The following PTCHD4 variants were observed in gnomAD, a reference collection of about 807,000 sequenced individuals.
PTCHD4 encodes the protein patched domain-containing protein 4.
In PTCHD4, 33 loss-of-function variants were observed where a neutral mutation model predicts 58.1. That is an observed-to-expected ratio of 0.57 (90% confidence interval 0.43 to 0.76). The LOEUF (loss-of-function observed/expected upper bound fraction) is 0.76. Ranked by LOEUF, PTCHD4 falls within the 30% of genes least tolerant of loss-of-function variation. PTCHD4 has a pLI of 0.00. For synonymous variants in PTCHD4, 478 were observed against 409.6 expected, an observed-to-expected ratio of 1.17 and a Z score of -2.02; for missense variants, 1,058 against 1,027.1, an observed-to-expected ratio of 1.03 and a Z score of -0.41.
chr6:48,074,286 C>T (rs1279136548), intron 1 of PTCHD4, among the ~76,000 whole-genome samples: 1 of 152,140 alleles, frequency 6.6e-6, no homozygotes, highest in African/African-American at 2.4e-5. Flanking sequence ...TCCACAAGAA[C>T]AGTAGTTATA....
chr6:48,061,274 AATC>A (rs1160090673), intron 3 of PTCHD4, among the ~76,000 whole-genome samples: 1 of 152,198 alleles, frequency 6.6e-6, no homozygotes, highest in Non-Finnish European at 1.5e-5. Context: ...GAACGACTGT[AATC>A]AGCTTAAAGC....
intron 4 of PTCHD4, among the ~76,000 whole-genome samples, chr6:47,965,933 C>G (rs1767274303): frequency 1.3e-5 from 2 of 151,936 alleles, no homozygotes; most frequent in Non-Finnish European, 2.9e-5. Flanking sequence ...CAAAAACAAA[C>G]AAACAAACAA....
In PTCHD4 at chr6:47,874,980, A is replaced by G. The variant is rs1763810252; in HGVS notation, c.*3323T>C. ...GTGAGTACCTCTTTGAAGTTTATTAACATCAAAGAGAGTGGAGCTCACATG... is the reference window on the plus strand; with the variant it reads ...GTGAGTACCTCTTTGAAGTTTATTAGCATCAAAGAGAGTGGAGCTCACATG... On this transcript the variant is annotated 3_prime_UTR_variant, in exon 5 of 5. Coordinates refer to ENST00000339488, the MANE Select transcript of PTCHD4 (RefSeq NM_001384253.1). Among the ~76,000 whole-genome samples the G allele has an allele frequency of 6.6e-6, 1 of 151,860 alleles. No homozygotes were observed. Among genetic ancestry groups the G allele is most frequent in the African/African-American group, 2.4e-5 (1 of 41,406 alleles).
intron 4 of PTCHD4, among the ~76,000 whole-genome samples, chr6:47,926,018 G>C (rs748172750): frequency 5.3e-5 from 8 of 152,006 alleles, no homozygotes; most frequent in Non-Finnish European, 1.0e-4. Context: ...TCTTTCTGTC[G>C]AGCCCAATAA....
intron 4 of PTCHD4, among the ~76,000 whole-genome samples, chr6:47,916,365 C>T (rs1320681768): frequency 6.6e-6 from 1 of 152,074 alleles, no homozygotes; most frequent in Non-Finnish European, 1.5e-5. Flanking sequence ...TGCTGACCCT[C>T]TTTGAGGGAA....
intron 4 of PTCHD4, among the ~76,000 whole-genome samples, chr6:47,922,926 A>G (rs2113889427): frequency 6.6e-6 from 1 of 152,196 alleles, no homozygotes. Flanking sequence ...TATTGCTGAC[A>G]CTGTTTTTGG....
At chr6:48,091,928 G>A (rs568401507) in intron 1 of PTCHD4, among the ~76,000 whole-genome samples, 167 of 152,064 alleles carry the variant, frequency 1.1e-3, no homozygotes, top group Non-Finnish European at 2.0e-3. Context: ...AGCATTACAG[G>A]CATGAGCCAC....
At position 47,879,921 on chromosome 6, in the gene PTCHD4, C is replaced by T; in HGVS notation, c.914G>A (p.Gly305Glu). 6.5e-7 allele frequency: 1 copy of T among 1,544,950 alleles called. No individual in the cohort carries two copies. The highest frequency in any genetic ancestry group is 2.4e-5 in the East Asian group (1 of 41,366). The change falls in exon 5 of 5, where the codon GGA becomes GAA. Residue 305 changes from glycine (G) to glutamate (E), a missense_variant. Transcript: ENST00000339488. ...CCATCCGGACAGAAGCTCAAACACT[C>T]CTTTAGTTCCATGACCTAATGTTTT... ...PFFAMGHGTK[G>E]VFELLSGWRR... is the part of the protein sequence containing the mutation.
intron 4 of PTCHD4, among the ~76,000 whole-genome samples, chr6:47,907,331 T>C (rs1764922670): frequency 1.3e-5 from 2 of 152,164 alleles, no homozygotes; most frequent in African/African-American, 4.8e-5. Context: ...TTAATGATTA[T>C]AATAAATAAG....
rs1767464045 is a variant in PTCHD4, at chr6:47,970,389, T to C, written c.898+38245A>G. On this transcript the variant is annotated intron_variant, in intron 4 of 4. Coordinates refer to ENST00000339488, the MANE Select transcript of PTCHD4 (RefSeq NM_001384253.1). ...AGCATGGGGAAAGATGAAACCTGAG[T>C]GCCTGAACAGAAGGATGTCAATAAG... 2.0e-5 allele frequency among the ~76,000 whole-genome samples: 3 copies of C among 152,058 alleles called. No homozygotes were observed. In the South Asian group the frequency reaches 6.2e-4, roughly 32 times the overall value.
chr6:47,965,223 G>A (rs931780926), intron 4 of PTCHD4, among the ~76,000 whole-genome samples: 7 of 152,136 alleles, frequency 4.6e-5, no homozygotes, highest in South Asian at 2.1e-4. Context: ...AATGCCCTGA[G>A]CAGCTATTAA....
chr6:47,993,354 C>G (rs1215245612), intron 4 of PTCHD4, among the ~76,000 whole-genome samples: 1 of 152,046 alleles, frequency 6.6e-6, no homozygotes. Context: ...TCGACATATC[C>G]CAATAGCTAA....
Position 48,047,087 on chromosome 6 carries a change from C to T in PTCHD4, c.417+21143G>A, listed in dbSNP as rs1335286633. 2.0e-5 allele frequency among the ~76,000 whole-genome samples: 3 copies of T among 151,740 alleles called. No homozygotes were observed. The East Asian group carries it at 5.8e-4, about 29-fold the overall frequency. ...CAATCACCAGAATGATTTTTTCCCC[C>T]TTTGTTCTTATGAGATGAGAATAAA... On this transcript the variant is annotated intron_variant, in intron 3 of 4. Transcript: ENST00000339488.
Position 47,879,097 on chromosome 6 carries a change from GC to G in PTCHD4, c.1737del (p.Lys579AsnfsTer48). On this transcript the variant is annotated frameshift_variant, in exon 5 of 5. Coordinates refer to ENST00000339488, the MANE Select transcript of PTCHD4 (RefSeq NM_001384253.1). LOFTEE classifies it high-confidence loss of function. ...TCATTTCGAAAATGCTGGAATTCTG[GC>G]TTTTTTAAAAATGAGCTTTGCAGGA... ...ISVLQSSFLKKPEFQHFRNDI... is the reference protein window; with the variant it reads ...ISVLQSSFLKXPEFQHFRNDI... 1 of 1,612,894 alleles carries G rather than the reference GC, an allele frequency of 6.2e-7. No homozygotes were observed.
In PTCHD4 at chr6:47,877,179, C is replaced by T. The variant is rs529372626; in HGVS notation, c.*1124G>A. Among the ~76,000 whole-genome samples, 1 of 152,138 alleles carries T rather than the reference C, an allele frequency of 6.6e-6. No homozygotes were observed. The highest frequency in any genetic ancestry group is 2.4e-5 in the African/African-American group (1 of 41,534). On this transcript the variant is annotated 3_prime_UTR_variant, in exon 5 of 5. Coordinates refer to ENST00000339488, the MANE Select transcript of PTCHD4 (RefSeq NM_001384253.1). ...GTATGGTCCATTTTATTCTATTTCA[C>T]TCTACGAGTTTCCTAGTTATGTCTC... is the stretch of plus-strand genomic sequence containing the variant.
At chr6:48,084,059 T>C (rs1020082816) in intron 1 of PTCHD4, among the ~76,000 whole-genome samples, 1 of 152,118 alleles carries the variant, frequency 6.6e-6, no homozygotes, top group Non-Finnish European at 1.5e-5. Flanking sequence ...ACCTCCTATA[T>C]GGGGTTCGAA....
intron 4 of PTCHD4, among the ~76,000 whole-genome samples, chr6:47,958,208 A>G (rs1024809407): frequency 6.6e-6 from 1 of 152,196 alleles, no homozygotes; most frequent in Admixed American, 6.5e-5. Context: ...CATAGATTAG[A>G]TTATATTGTA....
At chr6:47,988,961 G>A (rs561191748) in intron 4 of PTCHD4, among the ~76,000 whole-genome samples, 2 of 152,294 alleles carry the variant, frequency 1.3e-5, no homozygotes, top group South Asian at 2.1e-4. Flanking sequence ...AAGAAGATAG[G>A]GAAATGTGGG....
At chr6:48,097,552 C>T (rs1009591816) in intron 1 of PTCHD4, among the ~76,000 whole-genome samples, 5 of 152,094 alleles carry the variant, frequency 3.3e-5, no homozygotes, top group Admixed American at 6.5e-5. Flanking sequence ...AGAAATATTT[C>T]GGGGTGTTAT....
Sources: allele counts gnomAD v4.1 joint callset (sites outside exome capture counted in the v4.1 genomes callset), GRCh38; gene constraint gnomAD v4.1.1; transcripts MANE v1.5; gene names NCBI Gene and HGNC (gene_info 2026-07-23, HGNC 2026-07-21).